The following NELL2 variants were observed in gnomAD, a reference collection of about 807,000 sequenced individuals.
NELL2 encodes the protein protein kinase C-binding protein NELL2.
In NELL2, 41 loss-of-function variants were observed where a neutral mutation model predicts 109.6. That is an observed-to-expected ratio of 0.37 (90% CI 0.29 to 0.49). The LOEUF is 0.49. NELL2 is among the 20% of genes least tolerant of loss of function. The pLI is 0.98. For missense variants in NELL2, 900 were observed against 1,008.3 expected (o/e 0.89, Z 1.45); for synonymous variants, 355 against 344.7 (o/e 1.03, Z -0.33).
intron 1 of NELL2, among the ~76,000 whole-genome samples, chr12:44,921,060 G>T (rs1292326887): frequency 6.6e-6 from 1 of 152,156 alleles, no homozygotes; most frequent in African/African-American, 2.4e-5. Context: ...ATAGTTAGCT[G>T]GTAGGGGGCT....
intron 9 of NELL2, among the ~76,000 whole-genome samples, chr12:44,725,459 A>T (rs1350383834): frequency 6.6e-6 from 1 of 152,188 alleles, no homozygotes; most frequent in Non-Finnish European, 1.5e-5. Context: ...CCTCAAAAAA[A>T]CTAAAAGCAG....
At chr12:44,512,556 G>A (rs1319293369) in intron 19 of NELL2, among the ~76,000 whole-genome samples, 1 of 151,910 alleles carries the variant, frequency 6.6e-6, no homozygotes, top group Non-Finnish European at 1.5e-5. Context: ...CAATCACCAA[G>A]ATATGTAATC....
chr12:44,801,516 G>A (rs1210864293), intron 3 of NELL2, among the ~76,000 whole-genome samples: 3 of 152,100 alleles, frequency 2.0e-5, no homozygotes, highest in East Asian at 3.9e-4. Flanking sequence ...ATAATAGTTA[G>A]GACGATGGGC....
intron 14 of NELL2, among the ~76,000 whole-genome samples, chr12:44,610,306 G>T (rs943803709): frequency 4.6e-5 from 7 of 150,856 alleles, no homozygotes; most frequent in Non-Finnish European, 8.9e-5. Context: ...TCACATGGTA[G>T]CATAACAAAT....
intron 9 of NELL2, among the ~76,000 whole-genome samples, chr12:44,740,844 A>G (rs1939916946): frequency 6.6e-6 from 1 of 152,222 alleles, no homozygotes; most frequent in Admixed American, 6.5e-5. Flanking sequence ...AGCACAGCAT[A>G]TGTCATGGAA....
chr12:44,646,129 A>T (rs1019162759), intron 13 of NELL2, among the ~76,000 whole-genome samples: 1 of 152,066 alleles, frequency 6.6e-6, no homozygotes, highest in Non-Finnish European at 1.5e-5. Context: ...AATAAATAGT[A>T]CTTTTTTTTA....
chr12:44,866,806 A>T (rs1945014332), intron 2 of NELL2, among the ~76,000 whole-genome samples: 1 of 152,122 alleles, frequency 6.6e-6, no homozygotes, highest in African/African-American at 2.4e-5. Flanking sequence ...TATTACTGAT[A>T]CCACAGAAAT....
chr12:44,802,815 T>C (rs1030565565), intron 3 of NELL2, among the ~76,000 whole-genome samples: 1 of 152,086 alleles, frequency 6.6e-6, no homozygotes, highest in Non-Finnish European at 1.5e-5. Flanking sequence ...TTCAATTTTA[T>C]CATTTTATCC....
chr12:44,883,292 G>A (rs1945436356), intron 1 of NELL2, among the ~76,000 whole-genome samples: 1 of 152,002 alleles, frequency 6.6e-6, no homozygotes, highest in Non-Finnish European at 1.5e-5. Flanking sequence ...AACTTCTACA[G>A]GGTGTCTGCA....
chr12:44,763,665 C>T (rs544166246), intron 9 of NELL2, among the ~76,000 whole-genome samples: 3 of 152,194 alleles, frequency 2.0e-5, no homozygotes, highest in Non-Finnish European at 4.4e-5. Context: ...TATATTTGTG[C>T]GGGCTCACTA....
intron 12 of NELL2, among the ~76,000 whole-genome samples, chr12:44,692,419 G>A (rs533264029): frequency 9.9e-5 from 15 of 152,184 alleles, no homozygotes; most frequent in South Asian, 8.3e-4. Flanking sequence ...TGATGGCAAC[G>A]CACTAGGAGA....
chr12:44,527,652 C>G (rs1020767211), intron 16 of NELL2, among the ~76,000 whole-genome samples: 6 of 152,178 alleles, frequency 3.9e-5, no homozygotes, highest in Non-Finnish European at 7.3e-5. Flanking sequence ...ATAGCACCTT[C>G]TCTGAGATAA....
At position 44,607,253 on chromosome 12, in the gene NELL2, C is replaced by T. The variant is rs1034873211; in HGVS notation, c.1579G>A (p.Asp527Asn). ...CAGGCTCCTCCATTCCTACAGCCAT[C>T]TTTGCAAAATGCTAAAATAATTCAG... ...NGTTCKAFCK[D>N]GCRNGGACIA... The change falls in exon 15 of 20, where the codon GAT (aspartate) becomes AAT (asparagine). Residue 527 changes from aspartate to asparagine, a missense_variant. This residue lies in a region of NELL2 where 333 missense variants were observed against 432.3 expected (regional missense o/e 0.77). Transcript: ENST00000429094. 3.1e-6 allele frequency: 5 copies of T among 1,611,986 alleles called. No individual in the cohort carries two copies. Among genetic ancestry groups the T allele is most frequent in the Non-Finnish European group, 2.5e-6 (3 of 1,178,922 alleles).
In NELL2 at chr12:44,797,096, C is replaced by T. The variant is rs549705920; in HGVS notation, c.336-17074G>A. ...AAAAGAAGGAAAGGGTATAATAAAG[C>T]ACTGATAATAAGTGCGGTAGGGGTA... On this transcript the variant is annotated intron_variant, in intron 3 of 19. Transcript: ENST00000429094. Among the ~76,000 whole-genome samples, 9 of 152,142 alleles carry T rather than the reference C, an allele frequency of 5.9e-5. No homozygotes were observed. The East Asian group carries it at 1.7e-3, about 29-fold the overall frequency.
chr12:44,828,132 G>T (rs1436525896), intron 2 of NELL2, among the ~76,000 whole-genome samples: 12 of 152,060 alleles, frequency 7.9e-5, no homozygotes, highest in African/African-American at 2.7e-4. Context: ...TGTCTATTCA[G>T]ATCTTTTGTC....
intron 16 of NELL2, among the ~76,000 whole-genome samples, chr12:44,523,842 A>C (rs2138989421): frequency 6.6e-6 from 1 of 152,332 alleles, no homozygotes; most frequent in Non-Finnish European, 1.5e-5. Context: ...AGTGCCTATG[A>C]TACTTTAATG....
At chr12:44,816,493 A>G (rs1943356052) in intron 2 of NELL2, among the ~76,000 whole-genome samples, 1 of 152,190 alleles carries the variant, frequency 6.6e-6, no homozygotes. Flanking sequence ...CAATGAACAA[A>G]AAGATGTGCT....
At chr12:44,918,517 A>ATGTGTGTG (rs10589306), upstream of NELL2, among the ~76,000 whole-genome samples, 391 of 123,922 alleles carry the variant, frequency 3.2e-3, 1 homozygote, top group African/African-American at 7.8e-3. Flanking sequence ...GCATGCATGT[A>ATGTGTGTG]TGTGTGTGTG....
At chr12:44,877,327 G>A (rs1411590441), upstream of NELL2, among the ~76,000 whole-genome samples, 1 of 152,092 alleles carries the variant, frequency 6.6e-6, no homozygotes, top group South Asian at 2.1e-4. Flanking sequence ...TTTTTCAGCA[G>A]GCACATGTAT....
Sources: allele counts gnomAD v4.1 joint callset (sites outside exome capture counted in the v4.1 genomes callset), GRCh38; gene constraint gnomAD v4.1.1; regional missense constraint gnomAD v4.1.1; transcripts MANE v1.5; gene names NCBI Gene and HGNC (gene_info 2026-07-23, HGNC 2026-07-21).